TMEM181: variants seen among roughly 807,000 people sequenced by gnomAD.
The protein encoded by TMEM181 is transmembrane protein 181.
In TMEM181, 39 loss-of-function variants were observed where a neutral mutation model predicts 71.9. The ratio of observed to expected loss-of-function variants is 0.54; its 90% CI spans 0.42 to 0.71. The LOEUF (loss-of-function observed/expected upper bound fraction) is 0.71. Among genes scored for constraint, TMEM181 ranks in the 30% least tolerant of loss-of-function variants. The pLI is 0.00. For missense variants in TMEM181, 595 were observed against 583.0 expected (o/e 1.02, Z -0.21); for synonymous variants, 245 against 228.8 (o/e 1.07, Z -0.64).
chr6:158,580,091 G>T lies in TMEM181; in HGVS notation c.113-849G>T, dbSNP rs545041749. On this transcript the variant is annotated intron_variant, in intron 2 of 16. Transcript: ENST00000684151. ...CACGCCTGTAATCCCGGCACTTTGG[G>T]AGGCTGAGGTGGGCGGATCTCCTGA... 1.3e-4 allele frequency among the ~76,000 whole-genome samples: 20 copies of T among 152,340 alleles called. 1 individual carries two copies. The South Asian group carries it at 3.9e-3, about 30-fold the overall frequency.
chr6:158,577,699 C>G (rs1391700944), intron 2 of TMEM181, among the ~76,000 whole-genome samples: 1 of 152,148 alleles, frequency 6.6e-6, no homozygotes, highest in Non-Finnish European at 1.5e-5. Context: ...GAGAGTGACT[C>G]ATCACATACA....
At chr6:158,554,671 G>A (rs951648191) in intron 1 of TMEM181, among the ~76,000 whole-genome samples, 4 of 152,172 alleles carry the variant, frequency 2.6e-5, no homozygotes, top group Admixed American at 2.0e-4. Context: ...AATCTGAATA[G>A]AATTTAAGGG....
At chr6:158,590,959 T>C (rs924476398) in intron 6 of TMEM181, among the ~76,000 whole-genome samples, 1 of 152,244 alleles carries the variant, frequency 6.6e-6, no homozygotes, top group Non-Finnish European at 1.5e-5. Context: ...ACACAACGTG[T>C]GGTCTTCGGT....
chr6:158,616,845 G>T (rs572283789), intron 10 of TMEM181, among the ~76,000 whole-genome samples: 46 of 152,180 alleles, frequency 3.0e-4, no homozygotes, highest in African/African-American at 1.1e-3. Context: ...CAACTTGATC[G>T]TGGTGGATAA....
At chr6:158,628,208 C>G in intron 13 of TMEM181, 200 bp from the exon 14 acceptor site, 1 of 702,278 alleles carries the variant, frequency 1.4e-6, no homozygotes. Context: ...AGATCCGAGA[C>G]CAAAAACCAG....
intron 1 of TMEM181, among the ~76,000 whole-genome samples, chr6:158,543,100 C>T (rs1781412658): frequency 6.6e-6 from 1 of 152,038 alleles, no homozygotes; most frequent in Non-Finnish European, 1.5e-5. Flanking sequence ...TAGTTTCGAT[C>T]TCCTGACCTC....
intron 1 of TMEM181, among the ~76,000 whole-genome samples, chr6:158,554,080 T>C (rs535890663): frequency 6.6e-6 from 1 of 151,572 alleles, no homozygotes; most frequent in African/African-American, 2.4e-5. Context: ...CTAATTTTTT[T>C]ATTTTATTTT....
At chr6:158,584,229 CGATA>C (rs1353620410) in intron 4 of TMEM181, among the ~76,000 whole-genome samples, 185 bp downstream of exon 4, 1 of 152,194 alleles carries the variant, frequency 6.6e-6, no homozygotes, top group Non-Finnish European at 1.5e-5. Flanking sequence ...GAGAAAGTTG[CGATA>C]GATAGACGTC....
upstream of TMEM181, among the ~76,000 whole-genome samples, chr6:158,557,508 A>ATTTATTTG (rs1254010950): frequency 1.3e-5 from 2 of 150,250 alleles, no homozygotes; most frequent in Non-Finnish European, 3.0e-5. Context: ...AGCTGTAATT[A>ATTTATTTG]TTTATTTATT....
chr6:158,549,774 A>C (rs766684137), intron 1 of TMEM181, among the ~76,000 whole-genome samples: 8 of 152,142 alleles, frequency 5.3e-5, no homozygotes, highest in African/African-American at 1.2e-4. Context: ...TTGAGGTTGG[A>C]CTGGCAGTGG....
At chr6:158,536,665 G>T in exon 1 of TMEM181, 1 of 1,509,566 alleles carries the variant, frequency 6.6e-7, no homozygotes, top group Non-Finnish European at 8.8e-7. Flanking sequence ...AGTGCTGGGA[G>T]AAGAGAGGGG....
chr6:158,563,433 C>T (rs1782302093), intron 1 of TMEM181, among the ~76,000 whole-genome samples: 1 of 152,184 alleles, frequency 6.6e-6, no homozygotes, highest in Non-Finnish European at 1.5e-5. Context: ...TGTGAGCCAC[C>T]ACGCTTGGCC....
intron 6 of TMEM181, among the ~76,000 whole-genome samples, chr6:158,596,394 T>A (rs1049030358): frequency 6.6e-6 from 1 of 152,162 alleles, no homozygotes; most frequent in African/African-American, 2.4e-5. Flanking sequence ...CTTTGAGGGT[T>A]TCTGTTGCTT....
At chr6:158,625,033 TGTG>T in intron 11 of TMEM181, 68 bp from the exon 12 acceptor site, 1 of 1,199,192 alleles carries the variant, frequency 8.3e-7, no homozygotes, top group Non-Finnish European at 1.2e-6. Flanking sequence ...CTTTCCTGCC[TGTG>T]GTGGTGCTGG....
In TMEM181 at chr6:158,635,163, G is replaced by A. The variant is rs1786887689; in HGVS notation, c.*3275G>A. 6.6e-6 allele frequency: 1 copy of A among 152,194 alleles called. No individual in the cohort carries two copies. Among genetic ancestry groups the A allele is most frequent in the Admixed American group, 6.5e-5 (1 of 15,288 alleles). The allele number at this position is 152,194 out of a possible 1,614,324, so 9.4% of individuals were successfully genotyped here. A position where few individuals can be genotyped will look rare whatever the true frequency, so the allele number is the denominator to read the frequency against. On this transcript the variant is annotated 3_prime_UTR_variant, in exon 17 of 17. Transcript: ENST00000684151. ...AACTGTGATACCATACTATAAAACA[G>A]AAGAATTTTCTGCTACTAAAAACTG...
exon 1 of TMEM181, chr6:158,536,687 G>A (rs1032087062): frequency 1.3e-6 from 2 of 1,538,870 alleles, no homozygotes; most frequent in Non-Finnish European, 1.7e-6. Context: ...CGCAGGCGGC[G>A]ACACAAAGGG....
intron 2 of TMEM181, among the ~76,000 whole-genome samples, chr6:158,577,845 C>G (rs570390806): frequency 1.3e-3 from 193 of 152,268 alleles, no homozygotes; most frequent in African/African-American, 4.5e-3. Flanking sequence ...AATCCCAGTA[C>G]TTTGGGAGGC....
At chr6:158,540,264 G>A (rs1254130744) in intron 1 of TMEM181, among the ~76,000 whole-genome samples, 4 of 152,178 alleles carry the variant, frequency 2.6e-5, no homozygotes, top group Non-Finnish European at 5.9e-5. Context: ...CACGCACTGC[G>A]GATGGGAGGG....
At position 158,608,682 on chromosome 6, in the gene TMEM181, C is replaced by T. The variant is rs773354431; in HGVS notation, c.828C>T (p.Phe276=). Residue 276 remains phenylalanine (F), a synonymous_variant, in exon 10 of 17, where the codon TTC becomes TTT. Transcript: ENST00000684151. ...AGGGAGAAAGAAAGTGTTTAACTTTCTATTTGCCTAAATTCTTCATTGTTG... is the reference window on the plus strand; with the variant it reads ...AGGGAGAAAGAAAGTGTTTAACTTTTTATTTGCCTAAATTCTTCATTGTTG... The part of the protein sequence containing the change: ...RVQGERKCLT[F]YLPKFFIVGL... 4 of 1,611,250 alleles carry T rather than the reference C, an allele frequency of 2.5e-6. No homozygotes were observed. The highest frequency in any genetic ancestry group is 3.4e-6 in the Non-Finnish European group (4 of 1,179,368).
Sources: gnomAD v4.1 joint callset for allele counts (sites outside exome capture counted in the v4.1 genomes callset) on GRCh38, gnomAD v4.1.1 for gene constraint, MANE v1.5 for transcripts, NCBI Gene and HGNC (gene_info 2026-07-23, HGNC 2026-07-21) for gene names.